EFNA5: variants seen among roughly 807,000 people sequenced by gnomAD.
EFNA5 encodes ephrin-A5.
Under a neutral mutation model 22.9 loss-of-function variants are expected in EFNA5, and 5 were observed. That is an observed-to-expected ratio of 0.22 (90% CI 0.11 to 0.46). The LOEUF is 0.46. Ranked by LOEUF, EFNA5 falls within the 20% of genes least tolerant of loss-of-function variation. EFNA5 has a pLI of 0.99. For synonymous variants in EFNA5, 113 were observed against 112.2 expected (o/e 1.01, Z -0.04); for missense variants, 237 against 293.3 (o/e 0.81, Z 1.40).
chr5:107,392,651 TG>T (rs1384458166), intron 2 of EFNA5, among the ~76,000 whole-genome samples: 4 of 152,128 alleles, frequency 2.6e-5, no homozygotes, highest in Non-Finnish European at 4.4e-5. Flanking sequence ...CCACAAAATT[TG>T]GGGGTAATTT....
intron 1 of EFNA5, among the ~76,000 whole-genome samples, chr5:107,598,802 G>T (rs984626220): frequency 6.6e-6 from 1 of 152,050 alleles, no homozygotes. Context: ...CATGCCGAAT[G>T]ATCTAAATGA....
chr5:107,474,009 A>G (rs1301126483), intron 1 of EFNA5, among the ~76,000 whole-genome samples: 1 of 152,168 alleles, frequency 6.6e-6, no homozygotes, highest in Non-Finnish European at 1.5e-5. Flanking sequence ...CATGCTTTTG[A>G]CACAGATCTC....
chr5:107,620,702 T>C (rs1462470984), intron 1 of EFNA5, among the ~76,000 whole-genome samples: 3 of 152,184 alleles, frequency 2.0e-5, no homozygotes, highest in South Asian at 4.1e-4. Flanking sequence ...CCCCCTACCA[T>C]GCATAATTAA....
At chr5:107,602,100 A>T (rs1749610309) in intron 1 of EFNA5, among the ~76,000 whole-genome samples, 1 of 152,222 alleles carries the variant, frequency 6.6e-6, no homozygotes, top group African/African-American at 2.4e-5. Context: ...GCAAAGAAGG[A>T]ATGGTGATTT....
At chr5:107,597,801 T>C (rs1749504714) in intron 1 of EFNA5, among the ~76,000 whole-genome samples, 1 of 152,132 alleles carries the variant, frequency 6.6e-6, no homozygotes, top group South Asian at 2.1e-4. Flanking sequence ...TATTCAATTT[T>C]TACAAGCACT....
chr5:107,594,507 C>T (rs938477642), intron 1 of EFNA5, among the ~76,000 whole-genome samples: 1 of 152,154 alleles, frequency 6.6e-6, no homozygotes, highest in African/African-American at 2.4e-5. Flanking sequence ...TCACCACTAT[C>T]CACAAGCCAA....
chr5:107,444,779 C>A (rs1580455692), intron 1 of EFNA5, among the ~76,000 whole-genome samples: 1 of 152,042 alleles, frequency 6.6e-6, no homozygotes, highest in South Asian at 2.1e-4. Flanking sequence ...TGAAAACTGG[C>A]AAAAGGACAC....
intron 1 of EFNA5, among the ~76,000 whole-genome samples, chr5:107,509,017 C>G (rs551502422): frequency 6.6e-6 from 1 of 152,120 alleles, no homozygotes; most frequent in Non-Finnish European, 1.5e-5. Flanking sequence ...TACCTAGGAG[C>G]AAACTTCAGG....
chr5:107,420,006 G>T (rs1329709889), intron 2 of EFNA5, among the ~76,000 whole-genome samples: 1 of 152,094 alleles, frequency 6.6e-6, no homozygotes, highest in Non-Finnish European at 1.5e-5. Flanking sequence ...GTGCCATTTT[G>T]ACACTCTTCT....
At chr5:107,660,824 T>C (rs918085336) in intron 1 of EFNA5, among the ~76,000 whole-genome samples, 6 of 152,184 alleles carry the variant, frequency 3.9e-5, no homozygotes, top group African/African-American at 1.4e-4. Context: ...TCCCCATTAT[T>C]TTCTCTAGTT....
chr5:107,541,211 T>C (rs764416025), intron 1 of EFNA5, among the ~76,000 whole-genome samples: 138 of 152,306 alleles, frequency 9.1e-4, no homozygotes, highest in Middle Eastern at 3.4e-3. Context: ...TAATTATTAA[T>C]ATAATTACAT....
At chr5:107,499,372 C>T (rs557157152) in intron 1 of EFNA5, among the ~76,000 whole-genome samples, 9 of 152,258 alleles carry the variant, frequency 5.9e-5, no homozygotes, top group East Asian at 1.9e-4. Flanking sequence ...AGCTGGAATT[C>T]GGCAACTGTT....
At chr5:107,661,141 GAAGAA>G (rs1407009012) in intron 1 of EFNA5, among the ~76,000 whole-genome samples, 1 of 129,732 alleles carries the variant, frequency 7.7e-6, no homozygotes, top group Non-Finnish European at 1.8e-5. Context: ...AGAAGAAGAA[GAAGAA>G]AAAAAAAGTA....
chr5:107,565,464 C>A (rs1248956061), intron 1 of EFNA5, among the ~76,000 whole-genome samples: 1 of 152,134 alleles, frequency 6.6e-6, no homozygotes, highest in Non-Finnish European at 1.5e-5. Flanking sequence ...CTAATATTTT[C>A]ATAGTTCAAC....
chr5:107,444,719 TC>T (rs1749345559), intron 1 of EFNA5, among the ~76,000 whole-genome samples: 1 of 152,152 alleles, frequency 6.6e-6, no homozygotes, highest in East Asian at 1.9e-4. Context: ...GCCCTCCTTT[TC>T]CAAATCCATT....
At chr5:107,474,586 A>G (rs968483871) in intron 1 of EFNA5, among the ~76,000 whole-genome samples, 1 of 152,152 alleles carries the variant, frequency 6.6e-6, no homozygotes, top group Non-Finnish European at 1.5e-5. Context: ...CGAACGAGGA[A>G]TGGTTTAATT....
At chr5:107,575,096 G>A (rs369638205) in intron 1 of EFNA5, among the ~76,000 whole-genome samples, 19 of 152,066 alleles carry the variant, frequency 1.2e-4, no homozygotes, top group African/African-American at 3.4e-4. Context: ...CTCTTCAAAC[G>A]TAACAAAGAA....
intron 2 of EFNA5, among the ~76,000 whole-genome samples, chr5:107,389,979 GA>G (rs1747738603): frequency 6.6e-6 from 1 of 152,112 alleles, no homozygotes; most frequent in African/African-American, 2.4e-5. Context: ...TGTGAACAAA[GA>G]ATATTAGCAC....
At chr5:107,464,267 A>G (rs962675708) in intron 1 of EFNA5, among the ~76,000 whole-genome samples, 10 of 152,158 alleles carry the variant, frequency 6.6e-5, no homozygotes, top group Non-Finnish European at 4.4e-5. Flanking sequence ...CTCCAGGGGT[A>G]TATGTCTCAG....
Sources: allele counts gnomAD v4.1 joint callset (sites outside exome capture counted in the v4.1 genomes callset), GRCh38; gene constraint gnomAD v4.1.1; transcripts MANE v1.5; gene names NCBI Gene and HGNC (gene_info 2026-07-23, HGNC 2026-07-21).